ZNF711: variants seen among roughly 807,000 people sequenced by gnomAD.
ZNF711 encodes ZFX family zinc finger ZNF711, also known as zinc finger protein 711.
Under a neutral mutation model 43.5 loss-of-function variants are expected in ZNF711, and 3 were observed. The ratio of observed to expected loss-of-function variants is 0.07; its 90% CI spans 0.03 to 0.18. The LOEUF (loss-of-function observed/expected upper bound fraction) is 0.18, where lower values mean the gene tolerates loss of function less well. Among genes scored for constraint, ZNF711 ranks in the 10% least tolerant of loss-of-function variants. The pLI, the probability that ZNF711 is intolerant of heterozygous loss-of-function variation, is 1.00. For synonymous variants in ZNF711, 209 were observed against 207.7 expected (o/e 1.01, Z -0.06); for missense variants, 412 against 604.0 (o/e 0.68, Z 3.33).
At chrX:85,270,587 T>A (rs1931498011) in intron 10 of ZNF711, 64 bp from the exon 11 acceptor site, 1 of 1,022,982 alleles carries the variant, frequency 9.8e-7, no homozygotes, top group African/African-American at 1.9e-5. Context: ...TTTTGGCACC[T>A]TTGTTATAAA....
chrX:85,261,030 A>G (rs868517508), intron 5 of ZNF711, among the ~76,000 whole-genome samples: 6 of 111,483 alleles, frequency 5.4e-5, no homozygotes, highest in African/African-American at 9.7e-5. Context: ...TATATTTACT[A>G]TTCATTAAGT....
intron 9 of ZNF711, among the ~76,000 whole-genome samples, chrX:85,268,894 T>C (rs1217012199): frequency 1.8e-5 from 2 of 111,530 alleles, no homozygotes; most frequent in African/African-American, 6.5e-5. Flanking sequence ...GTTTCTACCC[T>C]TGGGAAGTAT....
intron 2 of ZNF711, among the ~76,000 whole-genome samples, chrX:85,246,337 C>T (rs866236124): frequency 8.9e-6 from 1 of 112,131 alleles, no homozygotes; most frequent in Middle Eastern, 4.6e-3. Context: ...GTGAAGTTTG[C>T]TCATACATAA....
rs1240130882 is a variant in ZNF711 at position 85,249,061 on chromosome X, A to G, written c.79+1410A>G. ...GATGAATAAAGTTGAGTAGTACAAT[A>G]TTGGATGTGAGTTAATTGATGAAAT... On this transcript the variant is annotated intron_variant, in intron 4 of 10. Coordinates refer to ENST00000674551, the MANE Select transcript of ZNF711 (RefSeq NM_001330574.2). Among the ~76,000 whole-genome samples the G allele has an allele frequency of 8.9e-5, 10 of 112,121 alleles. No homozygotes were observed. The Admixed American group carries it at 9.4e-4, about 11-fold the overall frequency.
In ZNF711 at chrX:85,255,519, A is replaced by G. The variant is rs1351121207; in HGVS notation, c.340A>G (p.Thr114Ala). Reference protein sequence around the residue: ...LEEDDGDHILTSELITETVRV... With the variant: ...LEEDDGDHILASELITETVRV... ...GGAAGATGATGGTGATCACATCTTG[A>G]CTTCTGAACTAATTACAGAAACCGT... Residue 114 changes from threonine to alanine, a missense_variant, in exon 5 of 11, where the codon ACT becomes GCT. Coordinates refer to ENST00000674551, the MANE Select transcript of ZNF711 (RefSeq NM_001330574.2). 8.3e-7 allele frequency: 1 copy of G among 1,211,911 alleles called. No homozygotes were observed. Among genetic ancestry groups the G allele is most frequent in the South Asian group, 1.8e-5 (1 of 56,991 alleles).
At chrX:85,261,567 A>G (rs1930651916) in intron 5 of ZNF711, among the ~76,000 whole-genome samples, 1 of 111,173 alleles carries the variant, frequency 9.0e-6, no homozygotes, top group Non-Finnish European at 1.9e-5. Context: ...GGTAGATGTA[A>G]GTAACATGCA....
At chrX:85,250,037 G>A (rs1395213588) in intron 4 of ZNF711, among the ~76,000 whole-genome samples, 3 of 112,216 alleles carry the variant, frequency 2.7e-5, no homozygotes, top group Non-Finnish European at 3.8e-5. Context: ...TACTTCATTC[G>A]TTTTCACTGC....
chrX:85,269,737 T>G (rs1931411325), intron 9 of ZNF711, among the ~76,000 whole-genome samples: 1 of 112,099 alleles, frequency 8.9e-6, no homozygotes, highest in Non-Finnish European at 1.9e-5. Context: ...AGAGATATTT[T>G]AAATTTAATT....
intron 5 of ZNF711, among the ~76,000 whole-genome samples, chrX:85,261,410 A>G (rs1930637471): frequency 9.0e-6 from 1 of 110,781 alleles, no homozygotes; most frequent in African/African-American, 3.3e-5. Flanking sequence ...TGGGAGTGGC[A>G]TAACTCTGAA....
At position 85,247,595 on chromosome X, in the gene ZNF711, T is replaced by G; in HGVS notation, c.23T>G (p.Leu8Arg). MDSGGGS[L>R]GLHTPDSRMA... ...AGTATGGATTCAGGCGGTGGAAGTC[T>G]TGGATTGCACACGCCAGACTCTAGA... Residue 8 changes from leucine (L) to arginine (R), a missense_variant, in exon 4 of 11, where the codon CTT becomes CGT. By Grantham distance (102) the Leu-to-Arg change is moderately radical. Coordinates refer to ENST00000674551, the MANE Select transcript of ZNF711 (RefSeq NM_001330574.2). 1 of 1,210,379 alleles carries G rather than the reference T, an allele frequency of 8.3e-7. No homozygotes were observed. Among genetic ancestry groups the G allele is most frequent in the African/African-American group, 1.7e-5 (1 of 57,855 alleles).
At chrX:85,248,792 G>A (rs1929282480) in intron 4 of ZNF711, among the ~76,000 whole-genome samples, 1 of 111,829 alleles carries the variant, frequency 8.9e-6, no homozygotes, top group Non-Finnish European at 1.9e-5. Context: ...GAATAGAACT[G>A]TGATACTTTG....
chrX:85,266,513 G>C lies in ZNF711; in HGVS notation c.917-765G>C, dbSNP rs904321914. Among the ~76,000 whole-genome samples, 3 of 110,208 alleles carry C rather than the reference G, an allele frequency of 2.7e-5. No homozygotes were observed. In the Admixed American group the frequency reaches 2.9e-4, roughly 11 times the overall value. ...GAGAAGAGGGATACTTTTTTCCCAT[G>C]TTTTTCCCCACATTTCTTCTGTAGT... On this transcript the variant is annotated intron_variant, in intron 7 of 10. Coordinates refer to ENST00000674551, the MANE Select transcript of ZNF711 (RefSeq NM_001330574.2).
At chrX:85,253,801 A>ACACG (rs1929777955) in intron 4 of ZNF711, among the ~76,000 whole-genome samples, 1 of 109,590 alleles carries the variant, frequency 9.1e-6, no homozygotes, top group Non-Finnish European at 1.9e-5. Context: ...ACACACACAC[A>ACACG]GACACCCTTG....
intron 1 of ZNF711, among the ~76,000 whole-genome samples, chrX:85,245,334 A>G (rs145596035): frequency 2.6e-3 from 294 of 112,418 alleles, no homozygotes; most frequent in African/African-American, 8.5e-3. Flanking sequence ...TCTCCATTCA[A>G]TAAGGATGTG....
Position 85,247,091 on chromosome X carries a change from G to A in ZNF711, c.-124G>A. 3.4e-6 allele frequency: 1 copy of A among 294,919 alleles called. No individual in the cohort carries two copies. The highest frequency in any genetic ancestry group is 5.9e-6 in the Non-Finnish European group (1 of 168,808). 24.3% of individuals were successfully genotyped at this position (294,919 alleles called of 1,213,427 possible). Reference sequence around the variant, plus strand: ...GCCAGAGGTGAATACAAGTTTATCTGCAGAGCTCCGCTGCAGGGCTGATCT... The same window carrying A: ...GCCAGAGGTGAATACAAGTTTATCTACAGAGCTCCGCTGCAGGGCTGATCT... On this transcript the variant is annotated 5_prime_UTR_variant, in exon 3 of 11. Coordinates refer to ENST00000674551, the MANE Select transcript of ZNF711 (RefSeq NM_001330574.2).
chrX:85,261,248 G>A (rs1210748762), intron 5 of ZNF711, among the ~76,000 whole-genome samples: 1 of 111,237 alleles, frequency 9.0e-6, no homozygotes, highest in African/African-American at 3.3e-5. Context: ...TCCATTATAT[G>A]GGTATTATCA....
intron 5 of ZNF711, among the ~76,000 whole-genome samples, chrX:85,263,151 A>T (rs1177744809): frequency 1.8e-5 from 2 of 111,012 alleles, no homozygotes; most frequent in Non-Finnish European, 3.8e-5. Flanking sequence ...TATAATATTT[A>T]GGAGGCATAT....
chrX:85,247,683 T>G, intron 4 of ZNF711, 32 bp downstream of exon 4: 2 of 1,113,661 alleles, frequency 1.8e-6, no homozygotes, highest in Non-Finnish European at 2.5e-6. Flanking sequence ...ATTTTTTTCT[T>G]TTTTAGAAGT....
At chrX:85,270,249 A>C in intron 10 of ZNF711, 103 bp downstream of exon 10, 2 of 871,909 alleles carry the variant, frequency 2.3e-6, no homozygotes, top group South Asian at 4.8e-5. Flanking sequence ...TCTACTCTCC[A>C]TGTACCTGTT....
Sources: allele counts gnomAD v4.1 joint callset (sites outside exome capture counted in the v4.1 genomes callset), GRCh38; gene constraint gnomAD v4.1.1; transcripts MANE v1.5; gene names NCBI Gene and HGNC (gene_info 2026-07-23, HGNC 2026-07-21).